Variants in RHOBTB1 observed in about 807,000 individuals in gnomAD.
The protein encoded by RHOBTB1 is rho-related BTB domain-containing protein 1.
A neutral mutation model predicts 71.6 loss-of-function variants in RHOBTB1; 40 were observed. That is an observed-to-expected ratio of 0.56 (90% CI 0.43 to 0.73). The LOEUF (loss-of-function observed/expected upper bound fraction) is 0.73, where lower values mean the gene tolerates loss of function less well. Ranked by LOEUF, RHOBTB1 falls within the 30% of genes least tolerant of loss-of-function variation. The pLI is 0.00. For missense variants in RHOBTB1, 797 were observed against 894.0 expected (o/e 0.89, Z 1.38); for synonymous variants, 319 against 334.9 (o/e 0.95, Z 0.52).
At chr10:60,993,597 T>A (rs2086943724) in intron 1 of RHOBTB1, among the ~76,000 whole-genome samples, 1 of 152,074 alleles carries the variant, frequency 6.6e-6, no homozygotes, top group African/African-American at 2.4e-5. Context: ...TCAGTATGAA[T>A]CTCTCTCATG....
chr10:60,916,777 T>C (rs866909987), intron 2 of RHOBTB1, among the ~76,000 whole-genome samples: 3 of 152,178 alleles, frequency 2.0e-5, no homozygotes, highest in Non-Finnish European at 2.9e-5. Context: ...GGGAATAGGG[T>C]TGCAGATGGA....
At chr10:60,868,732 G>T (rs916836677), downstream of RHOBTB1, among the ~76,000 whole-genome samples, 7 of 152,120 alleles carry the variant, frequency 4.6e-5, no homozygotes, top group African/African-American at 1.4e-4. Flanking sequence ...CTGATGATTT[G>T]CCAGACATTA....
chr10:60,875,463 T>A (rs2081008582), intron 8 of RHOBTB1, among the ~76,000 whole-genome samples: 2 of 152,202 alleles, frequency 1.3e-5, no homozygotes, highest in African/African-American at 4.8e-5. Flanking sequence ...ATATGAAATG[T>A]TTCCATCACT....
At chr10:60,939,655 T>C (rs2084794657) in intron 2 of RHOBTB1, among the ~76,000 whole-genome samples, 1 of 152,128 alleles carries the variant, frequency 6.6e-6, no homozygotes, top group African/African-American at 2.4e-5. Flanking sequence ...CACATTCAAA[T>C]CACCTATGCT....
chr10:60,996,331 C>A (rs1338230161), intron 1 of RHOBTB1, among the ~76,000 whole-genome samples: 1 of 152,124 alleles, frequency 6.6e-6, no homozygotes, highest in Admixed American at 6.5e-5. Flanking sequence ...GAACTAAATA[C>A]CCTCAAGGCC....
At chr10:60,987,851 C>A (rs1418209860) in intron 1 of RHOBTB1, among the ~76,000 whole-genome samples, 1 of 151,634 alleles carries the variant, frequency 6.6e-6, no homozygotes, top group Non-Finnish European at 1.5e-5. Flanking sequence ...ACCCCCTAAC[C>A]CCTGACAAAA....
At chr10:60,873,510 G>T (rs1288252060) in intron 9 of RHOBTB1, among the ~76,000 whole-genome samples, 1 of 152,190 alleles carries the variant, frequency 6.6e-6, no homozygotes, top group Non-Finnish European at 1.5e-5. Flanking sequence ...TTATTTCCTT[G>T]TAGTGGGTGT....
At chr10:60,916,792 A>C (rs1230807894) in intron 2 of RHOBTB1, among the ~76,000 whole-genome samples, 1 of 152,220 alleles carries the variant, frequency 6.6e-6, no homozygotes, top group Non-Finnish European at 1.5e-5. Context: ...GATGGAATTA[A>C]GGTTGTTAGT....
At chr10:60,914,057 C>A (rs898272600) in intron 2 of RHOBTB1, among the ~76,000 whole-genome samples, 9 of 151,974 alleles carry the variant, frequency 5.9e-5, no homozygotes, top group South Asian at 2.1e-4. Flanking sequence ...AACTCATAAA[C>A]CTAATAATGA....
chr10:60,999,658 C>T (rs930799246), intron 1 of RHOBTB1, among the ~76,000 whole-genome samples: 3 of 152,184 alleles, frequency 2.0e-5, no homozygotes, highest in African/African-American at 4.8e-5. Context: ...GTGAACAAAA[C>T]CACAGGTTGA....
At chr10:60,925,276 G>T (rs575375598) in intron 2 of RHOBTB1, among the ~76,000 whole-genome samples, 6 of 152,226 alleles carry the variant, frequency 3.9e-5, no homozygotes, top group African/African-American at 1.4e-4. Flanking sequence ...AAATTATTCA[G>T]TCTCAGGTAT....
At chr10:61,001,092 G>T (rs1035917587) in intron 1 of RHOBTB1, among the ~76,000 whole-genome samples, 1 of 152,060 alleles carries the variant, frequency 6.6e-6, no homozygotes, top group Admixed American at 6.5e-5. Context: ...GTGTGTGTGT[G>T]TGTGTGCTGG....
intron 2 of RHOBTB1, among the ~76,000 whole-genome samples, chr10:60,917,630 G>A (rs1003039808): frequency 9.2e-5 from 14 of 152,196 alleles, no homozygotes; most frequent in Admixed American, 2.6e-4. Context: ...TCTCATCATG[G>A]GGCTCCACCC....
chr10:60,951,265 C>T (rs2085398808), intron 2 of RHOBTB1, among the ~76,000 whole-genome samples: 1 of 152,116 alleles, frequency 6.6e-6, no homozygotes, highest in Admixed American at 6.6e-5. Flanking sequence ...AGGAGACCTA[C>T]CCATCAGTTC....
At chr10:60,929,576 T>C (rs1384035577) in intron 2 of RHOBTB1, among the ~76,000 whole-genome samples, 2 of 151,972 alleles carry the variant, frequency 1.3e-5, no homozygotes, top group Admixed American at 6.6e-5. Flanking sequence ...GCCAAAAAAA[T>C]GTAAGATCAT....
At chr10:60,956,412 C>T (rs1328012783) in intron 2 of RHOBTB1, among the ~76,000 whole-genome samples, 1 of 152,160 alleles carries the variant, frequency 6.6e-6, no homozygotes, top group Non-Finnish European at 1.5e-5. Flanking sequence ...TTTATAAACA[C>T]TGTACTCTCA....
chr10:60,861,904 A>G, the RHOBTB1 span, among the ~76,000 whole-genome samples: 2 of 152,234 alleles, frequency 1.3e-5, no homozygotes, highest in African/African-American at 2.4e-5. Flanking sequence ...GAATAAGACC[A>G]GAAAGATGAT....
intron 1 of RHOBTB1, among the ~76,000 whole-genome samples, chr10:60,989,321 C>A (rs985534935): frequency 6.6e-6 from 1 of 152,126 alleles, no homozygotes; most frequent in African/African-American, 2.4e-5. Context: ...CATCAGATTA[C>A]AAAATGCATT....
At chr10:60,945,008 T>A (rs2085164203), upstream of RHOBTB1, among the ~76,000 whole-genome samples, 1 of 152,140 alleles carries the variant, frequency 6.6e-6, no homozygotes, top group African/African-American at 2.4e-5. Flanking sequence ...TCACAGAAAC[T>A]TCTCTCTCTT....
Sources: gnomAD v4.1 joint callset for allele counts (sites outside exome capture counted in the v4.1 genomes callset) on GRCh38, gnomAD v4.1.1 for gene constraint, MANE v1.5 for transcripts, NCBI Gene and HGNC (gene_info 2026-07-23, HGNC 2026-07-21) for gene names.